Variants in GRIP1 observed in about 807,000 individuals in gnomAD.
The protein encoded by GRIP1 is glutamate receptor interacting protein 1.
A neutral mutation model predicts 129.9 loss-of-function variants in GRIP1; 45 were observed. The ratio of observed to expected loss-of-function variants is 0.35; its 90% CI spans 0.27 to 0.44. GRIP1 has a LOEUF of 0.44. GRIP1 is among the 20% of genes least tolerant of loss of function. The probability of loss-of-function intolerance (pLI) is 1.00; values close to 1 mark genes in which losing one functional copy is unlikely to be tolerated. For missense variants in GRIP1, 1,196 were observed against 1,396.8 expected (o/e 0.86, Z 2.29); for synonymous variants, 530 against 520.8 (o/e 1.02, Z -0.24).
chr12:66,610,114 C>A (rs145996166), intron 1 of GRIP1, among the ~76,000 whole-genome samples: 4 of 151,882 alleles, frequency 2.6e-5, no homozygotes, highest in African/African-American at 4.8e-5. Flanking sequence ...AATATTGATA[C>A]GCAAATCAGT....
chr12:66,953,823 AAG>A (rs2041796932), intron 1 of GRIP1, among the ~76,000 whole-genome samples: 4 of 152,156 alleles, frequency 2.6e-5, no homozygotes, highest in African/African-American at 9.7e-5. Context: ...AAGCCAAAGA[AAG>A]AGTGTGTGTC....
intron 1 of GRIP1, among the ~76,000 whole-genome samples, chr12:66,749,108 A>T (rs769691996): frequency 1.3e-5 from 2 of 152,174 alleles, no homozygotes; most frequent in Non-Finnish European, 2.9e-5. Flanking sequence ...CTCTTCTTTT[A>T]TAGAACCCCT....
intron 2 of GRIP1, among the ~76,000 whole-genome samples, chr12:66,573,436 T>C (rs1260364218): frequency 6.6e-6 from 1 of 152,202 alleles, no homozygotes; most frequent in Non-Finnish European, 1.5e-5. Context: ...TTTGTAGTAA[T>C]ATTGTTACAT....
intron 1 of GRIP1, among the ~76,000 whole-genome samples, chr12:66,733,512 C>T (rs2036504115): frequency 6.6e-6 from 1 of 152,022 alleles, no homozygotes; most frequent in Non-Finnish European, 1.5e-5. Context: ...GAGATGGCTA[C>T]AGCTCAGGCA....
chr12:66,568,438 A>T (rs879766960), intron 2 of GRIP1: 1 of 168,280 alleles, frequency 5.9e-6, no homozygotes, highest in East Asian at 1.8e-4. Flanking sequence ...CTGTGACAAG[A>T]AGTGTGTGGT....
intron 1 of GRIP1, among the ~76,000 whole-genome samples, chr12:66,783,388 T>TA (rs1450101005): frequency 6.6e-6 from 1 of 152,176 alleles, no homozygotes; most frequent in Non-Finnish European, 1.5e-5. Context: ...ATAGTTTGTT[T>TA]CTGTGTCACA....
intron 1 of GRIP1, among the ~76,000 whole-genome samples, chr12:66,778,384 A>T (rs1477752068): frequency 6.6e-6 from 1 of 152,202 alleles, no homozygotes; most frequent in Admixed American, 6.5e-5. Context: ...TCTGAGCCTT[A>T]GTTTCCTTTG....
intron 1 of GRIP1, among the ~76,000 whole-genome samples, chr12:67,052,299 A>T (rs10878553): frequency 0.098 from 14,931 of 152,186 alleles, 799 homozygotes; most frequent in East Asian, 0.13. Context: ...TCACCTTCTA[A>T]AATGACCCTC....
chr12:66,978,548 C>A (rs2042189409), intron 1 of GRIP1, among the ~76,000 whole-genome samples: 1 of 152,092 alleles, frequency 6.6e-6, no homozygotes, highest in Non-Finnish European at 1.5e-5. Flanking sequence ...AATATTTTTC[C>A]CAAGGAGGAA....
intron 1 of GRIP1, among the ~76,000 whole-genome samples, chr12:66,927,308 G>C (rs1400852568): frequency 1.3e-5 from 2 of 151,006 alleles, no homozygotes. Context: ...GGTATGCTCA[G>C]TGTGTGTCAG....
chr12:66,629,646 C>G (rs1565923712), intron 1 of GRIP1, among the ~76,000 whole-genome samples: 1 of 152,078 alleles, frequency 6.6e-6, no homozygotes, highest in Non-Finnish European at 1.5e-5. Context: ...ATTATTAAAC[C>G]AAATCTGAAA....
At chr12:66,864,594 T>G (rs2040169963) in intron 1 of GRIP1, among the ~76,000 whole-genome samples, 1 of 151,948 alleles carries the variant, frequency 6.6e-6, no homozygotes, top group South Asian at 2.1e-4. Flanking sequence ...GGTGTGGGTC[T>G]GTGGTCCCAG....
intron 1 of GRIP1, among the ~76,000 whole-genome samples, chr12:66,934,889 G>A (rs993246334): frequency 6.6e-6 from 1 of 152,186 alleles, no homozygotes; most frequent in Non-Finnish European, 1.5e-5. Context: ...AACTTCATTA[G>A]CAAAGATCTT....
At chr12:66,767,753 C>A (rs370053823) in intron 1 of GRIP1, among the ~76,000 whole-genome samples, 2 of 152,278 alleles carry the variant, frequency 1.3e-5, no homozygotes, top group South Asian at 4.2e-4. Flanking sequence ...AGGACCCTGC[C>A]ACGATGCTGG....
chr12:66,675,141 G>A (rs2034265995), intron 1 of GRIP1, among the ~76,000 whole-genome samples: 1 of 152,156 alleles, frequency 6.6e-6, no homozygotes, highest in African/African-American at 2.4e-5. Flanking sequence ...CTATACTAAA[G>A]TGAAGGCAAA....
At chr12:66,762,474 T>C (rs1459464320) in intron 1 of GRIP1, among the ~76,000 whole-genome samples, 2 of 152,244 alleles carry the variant, frequency 1.3e-5, no homozygotes, top group Non-Finnish European at 2.9e-5. Flanking sequence ...TTGTTAATAC[T>C]TTTCCTATTT....
chr12:67,051,098 T>C (rs112777164), intron 1 of GRIP1, among the ~76,000 whole-genome samples: 10 of 152,276 alleles, frequency 6.6e-5, no homozygotes, highest in East Asian at 5.8e-4. Flanking sequence ...TTAGGGTATA[T>C]GGTGTTGTGG....
chr12:66,817,231 CACACACACACACAT>C (rs1049148087), intron 1 of GRIP1, among the ~76,000 whole-genome samples: 7 of 150,958 alleles, frequency 4.6e-5, no homozygotes, highest in Non-Finnish European at 7.4e-5. Flanking sequence ...CACACACACA[CACACACACACACAT>C]ATATATTTCC....
intron 16 of GRIP1, 35 bp from the exon 17 acceptor site, chr12:66,394,387 T>G: frequency 1.2e-6 from 2 of 1,605,288 alleles, no homozygotes; most frequent in Non-Finnish European, 8.5e-7. Context: ...AATTGATTTC[T>G]TTGGAAAAAG....
Sources: gnomAD v4.1 joint callset for allele counts (sites outside exome capture counted in the v4.1 genomes callset) on GRCh38, gnomAD v4.1.1 for gene constraint, MANE v1.5 for transcripts, NCBI Gene and HGNC (gene_info 2026-07-23, HGNC 2026-07-21) for gene names.